The following ZNF799 variants were observed in gnomAD, a reference collection of about 807,000 sequenced individuals.
The protein encoded by ZNF799 is zinc finger protein 799.
In ZNF799, 28 loss-of-function variants were observed where a neutral mutation model predicts 41.0. The ratio of observed to expected loss-of-function variants is 0.68; its 90% CI spans 0.51 to 0.94. The LOEUF (loss-of-function observed/expected upper bound fraction) is 0.94. Among genes scored for constraint, ZNF799 ranks in the 40% least tolerant of loss-of-function variants. The pLI, the probability that ZNF799 is intolerant of heterozygous loss-of-function variation, is 0.00. For missense variants in ZNF799, 716 were observed against 764.3 expected, an observed-to-expected ratio of 0.94 and a Z score of 0.74; for synonymous variants, 213 against 252.9, an observed-to-expected ratio of 0.84 and a Z score of 1.50.
chr19:12,392,355 A>G, intron 3 of ZNF799, 149 bp from the exon 4 acceptor site: 1 of 1,234,866 alleles, frequency 8.1e-7, no homozygotes, highest in Non-Finnish European at 1.1e-6. Flanking sequence ...ATGCTGTGCA[A>G]GGTAACTCGA....
At chr19:12,396,458 T>C (rs545866231) in intron 1 of ZNF799, among the ~76,000 whole-genome samples, 230 of 152,356 alleles carry the variant, frequency 1.5e-3, no homozygotes, top group African/African-American at 5.3e-3. Context: ...GAGACCAGCC[T>C]GGCCAATGTG....
chr19:12,411,023 A>C, the ZNF799 span, among the ~76,000 whole-genome samples: 2 of 152,248 alleles, frequency 1.3e-5, no homozygotes, highest in African/African-American at 4.8e-5. Context: ...AATTTTCTAC[A>C]ATCTCTTCTG....
chr19:12,401,391 C>T (rs1599610161), upstream of ZNF799: 4 of 631,606 alleles, frequency 6.3e-6, no homozygotes, highest in East Asian at 1.3e-4. Flanking sequence ...GAGCAAGTTC[C>T]TGACACAGCC....
At position 12,401,191 on chromosome 19, in the gene ZNF799, G is replaced by A. The variant is rs1360778494; in HGVS notation, c.-121C>T. The A allele has an allele frequency of 2.5e-6, 4 of 1,579,096 alleles. No homozygotes were observed. The highest frequency in any genetic ancestry group is 4.5e-5 in the East Asian group (2 of 44,532). ...TCTCTTAGCTACAGAGCCGAGCACC[G>A]AGCGCCCAGCGCAGGTGGGTGGAGA... is the stretch of plus-strand genomic sequence containing the variant. On this transcript the variant is annotated 5_prime_UTR_variant, in exon 1 of 4. Coordinates refer to ENST00000430385, the MANE Select transcript of ZNF799 (RefSeq NM_001080821.3).
Position 12,390,175 on chromosome 19 carries a change from A to G in ZNF799, c.*291T>C. Reference sequence around the variant, plus strand: ...ACTATTTGCATAGCTTTTACAATGCATGAGGTATTTTAAGTAATCTAGACA... The same window carrying G: ...ACTATTTGCATAGCTTTTACAATGCGTGAGGTATTTTAAGTAATCTAGACA... On this transcript the variant is annotated 3_prime_UTR_variant, in exon 4 of 4. Transcript: ENST00000430385. 1 of 549,808 alleles carries G rather than the reference A, an allele frequency of 1.8e-6. No homozygotes were observed. Among genetic ancestry groups the G allele is most frequent in the Non-Finnish European group, 3.2e-6 (1 of 314,068 alleles). The allele number at this position is 549,808 out of a possible 1,614,324, so 34.1% of individuals were successfully genotyped here. A position where few individuals can be genotyped will look rare whatever the true frequency, so the allele number is the denominator to read the frequency against.
chr19:12,393,647 C>T (rs1295416154), intron 1 of ZNF799: 13 of 1,391,946 alleles, frequency 9.3e-6, no homozygotes, highest in Non-Finnish European at 1.2e-5. Flanking sequence ...AGAAACATGC[C>T]ACTTGTTGGC....
the ZNF799 span, among the ~76,000 whole-genome samples, chr19:12,408,361 A>G: frequency 6.6e-6 from 1 of 152,334 alleles, no homozygotes; most frequent in East Asian, 1.9e-4. Flanking sequence ...AGAAGTTGAA[A>G]AAACAGACAA....
At position 12,390,791 on chromosome 19, in the gene ZNF799, T is replaced by G. The variant is rs1235551908; in HGVS notation, c.1607A>C (p.Glu536Ala). The G allele has an allele frequency of 1.9e-6, 3 of 1,614,068 alleles. No homozygotes were observed. The highest frequency in any genetic ancestry group is 3.3e-5 in the Admixed American group (2 of 60,006). Residue 536 changes from glutamate to alanine, a missense_variant, in exon 4 of 4, where the codon GAA (glutamate) becomes GCA (alanine). Physicochemically the swap from Glu to Ala is moderately radical, Grantham distance 107. Coordinates refer to ENST00000430385, the MANE Select transcript of ZNF799 (RefSeq NM_001080821.3). ...GAGCCAAGAGAATGCTTTCCCACAT[T>G]CCTTACATTCATACGGCTTCTCTCC... is the stretch of plus-strand genomic sequence containing the variant. Reference protein sequence around the residue: ...HSGEKPYECKECGKAFSWLTC... With the variant: ...HSGEKPYECKACGKAFSWLTC...
the ZNF799 span, among the ~76,000 whole-genome samples, chr19:12,411,414 T>A: frequency 6.6e-6 from 1 of 152,044 alleles, no homozygotes; most frequent in African/African-American, 2.4e-5. Flanking sequence ...CAAGAACCTA[T>A]GACATGCAGG....
Position 12,390,841 on chromosome 19 carries a change from T to C in ZNF799, c.1557A>G (p.Leu519=). Residue 519 remains leucine, a synonymous_variant, in exon 4 of 4, where the codon TTA becomes TTG. Transcript: ENST00000430385. ...CKKAFSHFGN[L]KVHERIHSGE... ...CAGAGTGAATTCTTTCATGTACTTT[T>C]AAGTTACCAAAATGACTGAAGGCTT... The C allele has an allele frequency of 6.2e-7, 1 of 1,614,088 alleles. No homozygotes were observed. Among genetic ancestry groups the C allele is most frequent in the Middle Eastern group, 1.6e-4 (1 of 6,062 alleles).
upstream of ZNF799, among the ~76,000 whole-genome samples, chr19:12,402,289 T>C (rs1970000598): frequency 6.6e-6 from 1 of 152,246 alleles, no homozygotes. Context: ...CTTTACTGAA[T>C]TTATTTCTCA....
chr19:12,394,498 G>T, intron 1 of ZNF799: 1 of 835,090 alleles, frequency 1.2e-6, no homozygotes, highest in South Asian at 5.5e-5. Context: ...GTTATTTGGG[G>T]GATTTAGCCC....
the ZNF799 span, among the ~76,000 whole-genome samples, chr19:12,411,186 A>G: frequency 6.6e-6 from 1 of 152,226 alleles, no homozygotes; most frequent in African/African-American, 2.4e-5. Flanking sequence ...TAGAGACTTC[A>G]TCTGCTTGAA....
Position 12,391,041 on chromosome 19 carries a change from A to G in ZNF799, c.1357T>C (p.Cys453Arg), listed in dbSNP as rs201077492. 3.3e-5 allele frequency: 54 copies of G among 1,614,042 alleles called. No individual in the cohort carries two copies. Among genetic ancestry groups the G allele is most frequent in the African/African-American group, 5.3e-5 (4 of 75,020 alleles). The change falls in exon 4 of 4, where the codon TGT becomes CGT. Residue 453 changes from cysteine to arginine, a missense_variant. Physicochemically the swap from Cys to Arg is radical, Grantham distance 180. This residue lies in a region of ZNF799 where 698 missense variants were observed against 713.6 expected (regional missense o/e 0.98). Coordinates refer to ENST00000430385, the MANE Select transcript of ZNF799 (RefSeq NM_001080821.3). ...TAGAAATCAATAAAGGCTTTCCCAC[A>G]TTTGCATTTATAGGGTTTCTCTCCA... ...HTGEKPYKCK[C>R]GKAFIDFYSF...
chr19:12,408,009 A>G, the ZNF799 span, among the ~76,000 whole-genome samples: 6 of 152,048 alleles, frequency 3.9e-5, no homozygotes, highest in African/African-American at 1.4e-4. Context: ...TTTTAAAAAT[A>G]TCTTGGGCAT....
At chr19:12,409,197 C>T in the ZNF799 span, among the ~76,000 whole-genome samples, 19 of 86,458 alleles carry the variant, frequency 2.2e-4, no homozygotes, top group East Asian at 1.1e-3. Flanking sequence ...TCATAAGGAA[C>T]GCACAACCTA....
chr19:12,407,222 G>A, the ZNF799 span, among the ~76,000 whole-genome samples: 113 of 152,186 alleles, frequency 7.4e-4, no homozygotes, highest in African/African-American at 2.7e-3. Context: ...CCGGCACTTT[G>A]GAAGACCCAA....
the ZNF799 span, among the ~76,000 whole-genome samples, chr19:12,414,007 G>A: frequency 1.3e-5 from 2 of 152,148 alleles, no homozygotes; most frequent in Admixed American, 1.3e-4. Context: ...CGGCTCCTGC[G>A]GCCTGTGCGG....
At chr19:12,393,790 T>G in intron 1 of ZNF799, 1 of 1,090,886 alleles carries the variant, frequency 9.2e-7, no homozygotes, top group Non-Finnish European at 1.1e-6. Flanking sequence ...GTGCTGAGAC[T>G]GTGTGTCCTT....
Sources: gnomAD v4.1 joint callset for allele counts (sites outside exome capture counted in the v4.1 genomes callset) on GRCh38, gnomAD v4.1.1 for gene constraint, gnomAD v4.1.1 regional missense constraint, MANE v1.5 for transcripts, NCBI Gene and HGNC (gene_info 2026-07-23, HGNC 2026-07-21) for gene names.